Variants in NT5E observed in about 807,000 individuals in gnomAD.
The protein encoded by NT5E is 5'-nucleotidase ecto, also known as 5'-nucleotidase.
In NT5E, 53 loss-of-function variants were observed where a neutral mutation model predicts 55.1. The observed-to-expected ratio is 0.96, with a 90% CI of 0.77 to 1.21. NT5E has a LOEUF of 1.21. Ranked by LOEUF, NT5E falls within the 50% of genes most tolerant of loss-of-function variation. NT5E has a pLI of 0.00. For synonymous variants in NT5E, 270 were observed against 278.4 expected, an observed-to-expected ratio of 0.97 and a Z score of 0.30; for missense variants, 683 against 724.3, an observed-to-expected ratio of 0.94 and a Z score of 0.65.
At chr6:85,465,396 G>T (rs1326871551) in intron 1 of NT5E, among the ~76,000 whole-genome samples, 1 of 152,118 alleles carries the variant, frequency 6.6e-6, no homozygotes, top group East Asian at 1.9e-4. Context: ...GAAAGTGATT[G>T]TACTATAACA....
intron 3 of NT5E, among the ~76,000 whole-genome samples, chr6:85,474,758 CA>C (rs1769391324): frequency 6.6e-6 from 1 of 152,024 alleles, no homozygotes; most frequent in South Asian, 2.1e-4. Context: ...GGGAGACCCC[CA>C]TATCTACAAA....
rs773680926 is a variant in NT5E at position 85,490,527 on chromosome 6, C to T, written c.1230C>T (p.Asn410=). The stretch of plus-strand genomic sequence containing the variant: ...CCTCAGGCACAATTACCTGGGAGAA[C>T]CTGGCTGCTGTATTGCCCTTTGGAG... ...ERNNGTITWE[N]LAAVLPFGGT... Residue 410 remains asparagine (N), a synonymous_variant, in exon 7 of 9, where the codon AAC becomes AAT. Transcript: ENST00000257770. 5.0e-6 allele frequency: 8 copies of T among 1,614,204 alleles called. No homozygotes were observed. In the South Asian group the frequency reaches 8.8e-5, roughly 18 times the overall value.
intron 3 of NT5E, among the ~76,000 whole-genome samples, chr6:85,472,347 C>A (rs1358508547): frequency 6.6e-6 from 1 of 152,102 alleles, no homozygotes. Flanking sequence ...GTAGGAAATA[C>A]CCAAAAACAT....
intron 1 of NT5E, among the ~76,000 whole-genome samples, chr6:85,455,484 A>C (rs1768969417): frequency 2.6e-5 from 4 of 152,230 alleles, no homozygotes; most frequent in Non-Finnish European, 5.9e-5. Flanking sequence ...TGGAGGGTGC[A>C]CACCCAGGTA....
rs1483490683 is a variant in NT5E, at chr6:85,485,442, G to C, written c.949+10G>C. 6.2e-7 allele frequency: 1 copy of C among 1,613,126 alleles called. No homozygotes were observed. The highest frequency in any genetic ancestry group is 1.1e-5 in the South Asian group (1 of 91,062). On this transcript the variant is annotated intron_variant, in intron 4 of 8. Transcript: ENST00000257770. ...AGCAGCATTCCTGAAGGTAAGTGAAGTTCAGGGGAATGTTCCACCAATCTA... is the reference window on the plus strand; with the variant it reads ...AGCAGCATTCCTGAAGGTAAGTGAACTTCAGGGGAATGTTCCACCAATCTA...
At chr6:85,474,744 G>C (rs7739353) in intron 3 of NT5E, among the ~76,000 whole-genome samples, 4,074 of 152,182 alleles carry the variant, frequency 0.027, 197 homozygotes, top group African/African-American at 0.093. Context: ...GCCTGGGCAA[G>C]ATAGGGAGAC....
rs1417814667 is a variant in NT5E, at chr6:85,491,984, T to C, written c.1368T>C (p.His456=). 6.2e-7 allele frequency: 1 copy of C among 1,613,306 alleles called. No individual in the cohort carries two copies. The highest frequency in any genetic ancestry group is 1.1e-5 in the South Asian group (1 of 91,066). The change falls in exon 8 of 9, where the codon CAT becomes CAC. Residue 456 remains histidine, a synonymous_variant. Transcript: ENST00000257770. The part of the protein sequence containing the change: ...TGEFLQVGGI[H]VVYDLSRKPG... ...GATTCATTTCTTTTCTAGGAATCCA[T>C]GTGGTGTATGATCTTTCCCGAAAAC...
chr6:85,476,851 C>G (rs921434706), intron 3 of NT5E, among the ~76,000 whole-genome samples: 1 of 152,090 alleles, frequency 6.6e-6, no homozygotes. Context: ...CTCTCCTTCT[C>G]TGCCATTCCA....
intron 7 of NT5E, among the ~76,000 whole-genome samples, 164 bp from the exon 8 acceptor site, chr6:85,491,813 A>T (rs1409145594): frequency 5.3e-5 from 8 of 152,208 alleles, no homozygotes; most frequent in Admixed American, 5.2e-4. Context: ...CTCAAGGATA[A>T]AGGGTGGCTG....
intron 8 of NT5E, 149 bp downstream of exon 8, chr6:85,492,326 CAG>C (rs1273895677): frequency 1.5e-6 from 1 of 676,354 alleles, no homozygotes; most frequent in African/African-American, 1.8e-5. Context: ...CACAGCACAG[CAG>C]AGAGGAATAT....
At chr6:85,473,922 G>T (rs1177538333) in intron 3 of NT5E, among the ~76,000 whole-genome samples, 1 of 152,302 alleles carries the variant, frequency 6.6e-6, no homozygotes, top group East Asian at 1.9e-4. Context: ...CTGTCTTACA[G>T]CAACAATTAG....
intron 3 of NT5E, among the ~76,000 whole-genome samples, chr6:85,473,590 AACAT>A (rs1447277498): frequency 3.3e-5 from 5 of 152,166 alleles, no homozygotes; most frequent in Non-Finnish European, 7.3e-5. Context: ...AAAACACACA[AACAT>A]ATATGTGTGT....
intron 5 of NT5E, among the ~76,000 whole-genome samples, 191 bp downstream of exon 5, chr6:85,487,680 C>T (rs1032055470): frequency 2.6e-5 from 4 of 152,136 alleles, no homozygotes; most frequent in Non-Finnish European, 5.9e-5. Flanking sequence ...TGGCTTGAGC[C>T]CAGGAGGCTG....
chr6:85,471,975 T>C (rs570579822), intron 3 of NT5E, among the ~76,000 whole-genome samples: 24 of 152,202 alleles, frequency 1.6e-4, no homozygotes, highest in Non-Finnish European at 2.4e-4. Flanking sequence ...GCACTCTTCC[T>C]ACCCACTACC....
chr6:85,450,801 C>A lies in NT5E; in HGVS notation c.339+323C>A, dbSNP rs137911522. ...GCTAGGGACTGAATCGGATCCCTCA[C>A]GCAGCTCTCATTTACTGCTAGATCT... On this transcript the variant is annotated intron_variant, in intron 1 of 8. Coordinates refer to ENST00000257770, the MANE Select transcript of NT5E (RefSeq NM_002526.4). The surrounding 1 kb of genome is among the most constrained non-coding windows in gnomAD (Gnocchi z 4.0). 7.2e-5 allele frequency among the ~76,000 whole-genome samples: 11 copies of A among 152,314 alleles called. No individual in the cohort carries two copies. The highest frequency in any genetic ancestry group is 2.6e-4 in the African/African-American group (11 of 41,580).
intron 3 of NT5E, among the ~76,000 whole-genome samples, chr6:85,473,225 A>T (rs1769353758): frequency 6.6e-6 from 1 of 152,192 alleles, no homozygotes; most frequent in Non-Finnish European, 1.5e-5. Flanking sequence ...TTCTGACTCT[A>T]CCACTAATGG....
chr6:85,465,571 G>A (rs574549342), intron 1 of NT5E, among the ~76,000 whole-genome samples: 2 of 152,292 alleles, frequency 1.3e-5, no homozygotes, highest in Admixed American at 1.3e-4. Flanking sequence ...TCAGAGATGG[G>A]GGAAAAGGCA....
chr6:85,463,410 A>C (rs1189535857), intron 1 of NT5E, among the ~76,000 whole-genome samples: 1 of 152,242 alleles, frequency 6.6e-6, no homozygotes, highest in Non-Finnish European at 1.5e-5. Context: ...TACCCCATAC[A>C]TTTATACAAA....
chr6:85,490,456 A>G, intron 6 of NT5E, 52 bp from the exon 7 acceptor site: 9 of 1,607,802 alleles, frequency 5.6e-6, no homozygotes, highest in Non-Finnish European at 7.7e-6. Flanking sequence ...GTCATGGTGT[A>G]AGCATTTTCT....
Sources: allele counts gnomAD v4.1 joint callset (sites outside exome capture counted in the v4.1 genomes callset), GRCh38; gene constraint gnomAD v4.1.1; non-coding constraint Gnocchi (gnomAD v3.1); transcripts MANE v1.5; gene names NCBI Gene and HGNC (gene_info 2026-07-23, HGNC 2026-07-21).